Variants in TADA2B observed in about 807,000 individuals in gnomAD.
TADA2B encodes transcriptional adapter 2-beta.
TADA2B carries 13 observed loss-of-function variants against 34.5 expected under a neutral mutation model. The observed-to-expected ratio is 0.38, with a 90% CI of 0.25 to 0.60. TADA2B has a LOEUF of 0.60. Among genes scored for constraint, TADA2B ranks in the 20% least tolerant of loss-of-function variants. The pLI, the probability that TADA2B is intolerant of heterozygous loss-of-function variation, is 0.65. For missense variants in TADA2B, 442 were observed against 575.0 expected, an observed-to-expected ratio of 0.77 and a Z score of 2.37; for synonymous variants, 240 against 243.4, an observed-to-expected ratio of 0.99 and a Z score of 0.13.
chr4:7,043,879 G>A, intron 1 of TADA2B, 30 bp downstream of exon 1: 1 of 1,455,994 alleles, frequency 6.9e-7, no homozygotes, highest in Non-Finnish European at 9.0e-7. Context: ...CCGGGTCCCG[G>A]CTAGGGCACT....
intron 1 of TADA2B, among the ~76,000 whole-genome samples, chr4:7,047,933 C>A (rs555661989): frequency 3.3e-5 from 5 of 152,196 alleles, no homozygotes; most frequent in Admixed American, 1.3e-4. Flanking sequence ...ACCATCTCCC[C>A]GTCCCCTAAT....
In TADA2B at chr4:7,055,014, T is replaced by A; in HGVS notation, c.1223T>A (p.Phe408Tyr). Residue 408 changes from phenylalanine (F) to tyrosine (Y), a missense_variant, in exon 2 of 2, where the codon TTC becomes TAC. Physicochemically the swap from Phe to Tyr is conservative, Grantham distance 22. Coordinates refer to ENST00000310074, the MANE Select transcript of TADA2B (RefSeq NM_152293.3). ...DKVLKKRILN[F>Y]LTESGWISRD... ...GTCCTAAAGAAAAGGATTTTGAATT[T>A]CCTCACAGAAAGCGGCTGGATCTCC... 6.2e-7 allele frequency: 1 copy of A among 1,611,774 alleles called. No homozygotes were observed. The highest frequency in any genetic ancestry group is 2.2e-5 in the East Asian group (1 of 44,876).
chr4:7,056,778 T>G lies in TADA2B; in HGVS notation c.*1724T>G, dbSNP rs1305803728. On this transcript the variant is annotated 3_prime_UTR_variant, in exon 2 of 2. Coordinates refer to ENST00000310074, the MANE Select transcript of TADA2B (RefSeq NM_152293.3). ...CACCTCCACATTGTCCCCTGCAGAATAAATGCGGATGACAGAAAGCTTATG... is the reference window on the plus strand; with the variant it reads ...CACCTCCACATTGTCCCCTGCAGAAGAAATGCGGATGACAGAAAGCTTATG... 6.6e-6 allele frequency: 1 copy of G among 152,198 alleles called. No individual in the cohort carries two copies. The highest frequency in any genetic ancestry group is 1.5e-5 in the Non-Finnish European group (1 of 68,038). The allele number at this position is 152,198 out of a possible 1,614,324, so 9.4% of individuals were successfully genotyped here.
At position 7,056,427 on chromosome 4, in the gene TADA2B, A is replaced by G. The variant is rs907541642; in HGVS notation, c.*1373A>G. 1 of 152,542 alleles carries G rather than the reference A, an allele frequency of 6.6e-6. No homozygotes were observed. The highest frequency in any genetic ancestry group is 1.5e-5 in the Non-Finnish European group (1 of 68,026). The allele number at this position is 152,542 out of a possible 1,614,324, so 9.4% of individuals were successfully genotyped here. ...AGCGCTCCGTTCTTCAAGGAGGTTG[A>G]CTTGCCTCTCGGGCCCCGTAGGTAC... On this transcript the variant is annotated 3_prime_UTR_variant, in exon 2 of 2. Transcript: ENST00000310074.
rs1301056928 is a variant in TADA2B at position 7,054,688 on chromosome 4, C to T, written c.897C>T (p.Ile299=). The T allele has an allele frequency of 1.2e-6, 2 of 1,613,898 alleles. No individual in the cohort carries two copies. The highest frequency in any genetic ancestry group is 1.7e-5 in the Admixed American group (1 of 60,032). ...RELQRYRRNG[I]TKMEESAEYE... ...TGCAGCGGTACCGGCGAAACGGGAT[C>T]ACCAAGATGGAAGAGTCGGCAGAGT... The change falls in exon 2 of 2, where the codon ATC becomes ATT. Residue 299 remains isoleucine, a synonymous_variant. Transcript: ENST00000310074.
chr4:7,051,465 C>T (rs1333680158), intron 1 of TADA2B, among the ~76,000 whole-genome samples: 1 of 152,058 alleles, frequency 6.6e-6, no homozygotes, highest in African/African-American at 2.4e-5. Context: ...AGCTGTAGAC[C>T]CCACGAGGCA....
rs1275023210 is a variant in TADA2B, at chr4:7,054,541, G to A, written c.750G>A (p.Lys250=). The A allele has an allele frequency of 2.5e-6, 4 of 1,613,784 alleles. No individual in the cohort carries two copies. The highest frequency in any genetic ancestry group is 3.4e-6 in the Non-Finnish European group (4 of 1,179,912). The part of the protein sequence containing the change: ...KEKALKRKIT[K]EEKELRLKLR... Reference sequence around the variant, plus strand: ...AGGCGCTGAAGCGCAAGATCACCAAGGAGGAGAAGGAGCTGCGCCTGAAGC... The same window carrying A: ...AGGCGCTGAAGCGCAAGATCACCAAAGAGGAGAAGGAGCTGCGCCTGAAGC... Residue 250 remains lysine (K), a synonymous_variant, in exon 2 of 2, where the codon AAG becomes AAA. Coordinates refer to ENST00000310074, the MANE Select transcript of TADA2B (RefSeq NM_152293.3).
rs1157218598 is a variant in TADA2B at position 7,055,099 on chromosome 4, C to T, written c.*45C>T. On this transcript the variant is annotated 3_prime_UTR_variant, in exon 2 of 2. Transcript: ENST00000310074. ...CCAGGGTGATGCTCAGACAGTGTGCCAGCCAAAATGACTTGGGGGAGGGGA... is the reference window on the plus strand; with the variant it reads ...CCAGGGTGATGCTCAGACAGTGTGCTAGCCAAAATGACTTGGGGGAGGGGA... 2.6e-6 allele frequency: 4 copies of T among 1,533,950 alleles called. No homozygotes were observed. Among genetic ancestry groups the T allele is most frequent in the Non-Finnish European group, 2.6e-6 (3 of 1,142,124 alleles).
chr4:7,047,438 G>A (rs1323638649), intron 1 of TADA2B, among the ~76,000 whole-genome samples: 1 of 152,242 alleles, frequency 6.6e-6, no homozygotes, highest in African/African-American at 2.4e-5. Flanking sequence ...TTGGAGCCAG[G>A]TGGGGTGTCC....
Position 7,055,048 on chromosome 4 carries a change from G to A in TADA2B, c.1257G>A (p.Ala419=), listed in dbSNP as rs772180040. 5.6e-6 allele frequency: 9 copies of A among 1,606,390 alleles called. No homozygotes were observed. The highest frequency in any genetic ancestry group is 4.5e-5 in the East Asian group (2 of 44,836). The change falls in exon 2 of 2, where the codon GCG becomes GCA. Residue 419 remains alanine (A), a synonymous_variant. Transcript: ENST00000310074. ...AAAGCGGCTGGATCTCCAGGGACGC[G>A]TCTTGAAGCTGAGACGCTTTGAAAG... The part of the protein sequence containing the change: ...LTESGWISRD[A]S
chr4:7,049,911 C>T (rs375434780), intron 1 of TADA2B, among the ~76,000 whole-genome samples: 1 of 152,334 alleles, frequency 6.6e-6, no homozygotes, highest in South Asian at 2.1e-4. Flanking sequence ...TAGTTGTTGG[C>T]CCAGTGTCTG....
chr4:7,052,844 T>G (rs1232889668), intron 1 of TADA2B: 1 of 152,256 alleles, frequency 6.6e-6, no homozygotes, highest in Non-Finnish European at 1.5e-5. Context: ...GGCCCACAGT[T>G]GAGTTTTGGC....
In TADA2B at chr4:7,054,552, A is replaced by T. The variant is rs1486979331; in HGVS notation, c.761A>T (p.Glu254Val). The change falls in exon 2 of 2, where the codon GAG becomes GTG. Residue 254 changes from glutamate to valine, a missense_variant. Glu to Val is a moderately radical substitution (Grantham distance 121, BLOSUM62 -2). Transcript: ENST00000310074. ...CGCAAGATCACCAAGGAGGAGAAGGAGCTGCGCCTGAAGCTGAGGCCGCTG... is the reference window on the plus strand; with the variant it reads ...CGCAAGATCACCAAGGAGGAGAAGGTGCTGCGCCTGAAGCTGAGGCCGCTG... Reference protein sequence around the residue: ...LKRKITKEEKELRLKLRPLYQ... With the variant: ...LKRKITKEEKVLRLKLRPLYQ... The T allele has an allele frequency of 6.2e-7, 1 of 1,613,926 alleles. No homozygotes were observed. The highest frequency in any genetic ancestry group is 1.3e-5 in the African/African-American group (1 of 75,068).
At chr4:7,048,110 A>G (rs1723677258) in intron 1 of TADA2B, among the ~76,000 whole-genome samples, 1 of 152,130 alleles carries the variant, frequency 6.6e-6, no homozygotes, top group South Asian at 2.1e-4. Flanking sequence ...ATCCCCTGAG[A>G]TCTGCTGGAT....
rs1337859685 is a variant in TADA2B, at chr4:7,055,932, A to T, written c.*878A>T. 12 of 152,248 alleles carry T rather than the reference A, an allele frequency of 7.9e-5. No homozygotes were observed. Among genetic ancestry groups the T allele is most frequent in the Non-Finnish European group, 4.4e-5 (3 of 68,048 alleles). 9.4% of individuals were successfully genotyped at this position (152,248 alleles called of 1,614,324 possible). A position where few individuals can be genotyped will look rare whatever the true frequency, so the allele number is the denominator to read the frequency against. The stretch of plus-strand genomic sequence containing the variant: ...GGTGCTGCTGTTAAGACGTGAGTGC[A>T]TTTCACTTGGAAGAACCCATTGTAC... On this transcript the variant is annotated 3_prime_UTR_variant, in exon 2 of 2. Transcript: ENST00000310074.
intron 1 of TADA2B, among the ~76,000 whole-genome samples, chr4:7,047,318 G>A (rs1723653702): frequency 6.6e-6 from 1 of 152,206 alleles, no homozygotes; most frequent in South Asian, 2.1e-4. Flanking sequence ...GGCTTTGGCG[G>A]GGAAGTGGGG....
At position 7,043,786 on chromosome 4, in the gene TADA2B, C is replaced by T. The variant is rs763485875; in HGVS notation, c.207C>T (p.Gly69=). The T allele has an allele frequency of 2.6e-6, 4 of 1,554,424 alleles. No homozygotes were observed. In the East Asian group the frequency reaches 7.1e-5, roughly 28 times the overall value. The stretch of plus-strand genomic sequence containing the variant: ...TCTGGGGGCCCGAGGCCGAGGGCGG[C>T]TGGACCAGTCGCGAGGAGCAGCTGC... ...FTLWGPEAEG[G]WTSREEQLLL... Residue 69 remains glycine, a synonymous_variant, in exon 1 of 2, where the codon GGC becomes GGT. Transcript: ENST00000310074.
At chr4:7,053,931 TG>T in intron 1 of TADA2B, 130 bp from the exon 2 acceptor site, 2 of 1,034,960 alleles carry the variant, frequency 1.9e-6, no homozygotes, top group Non-Finnish European at 2.8e-6. Flanking sequence ...TGAATGCCTT[TG>T]GGGAGGGTGG....
At chr4:7,045,941 A>G (rs1406084589) in intron 1 of TADA2B, 1 of 152,294 alleles carries the variant, frequency 6.6e-6, no homozygotes, top group East Asian at 1.9e-4. Flanking sequence ...GAATGTGCAC[A>G]CAGAGCACCT....
Sources: allele counts gnomAD v4.1 joint callset (sites outside exome capture counted in the v4.1 genomes callset), GRCh38; gene constraint gnomAD v4.1.1; transcripts MANE v1.5; gene names NCBI Gene and HGNC (gene_info 2026-07-23, HGNC 2026-07-21).